CENPW: variants seen among roughly 807,000 people sequenced by gnomAD.
CENPW encodes cancer-up-regulated gene 2 protein.
A neutral mutation model predicts 11.1 loss-of-function variants in CENPW; 3 were observed. That is an observed-to-expected ratio of 0.27 (90% CI 0.12 to 0.70). The LOEUF is 0.70. Ranked by LOEUF, CENPW falls within the 30% of genes least tolerant of loss-of-function variation. The pLI is 0.77. For synonymous variants in CENPW, 38 were observed against 42.0 expected (o/e 0.91, Z 0.37); for missense variants, 100 against 105.6 (o/e 0.95, Z 0.23).
At chr6:126,470,683 G>T in the CENPW span, among the ~76,000 whole-genome samples, 1 of 152,232 alleles carries the variant, frequency 6.6e-6, no homozygotes, top group African/African-American at 2.4e-5. Context: ...AGCCACGGGG[G>T]CTGTGCCCTG....
chr6:126,400,900 T>C, the CENPW span, among the ~76,000 whole-genome samples: 2 of 152,136 alleles, frequency 1.3e-5, no homozygotes, highest in African/African-American at 2.4e-5. Flanking sequence ...CTAATAGTTT[T>C]TAATTCTCTA....
At chr6:126,404,094 G>A in the CENPW span, among the ~76,000 whole-genome samples, 1 of 152,070 alleles carries the variant, frequency 6.6e-6, no homozygotes, top group Admixed American at 6.6e-5. Flanking sequence ...TCTGTTGACA[G>A]CATGGTTTAC....
the CENPW span, among the ~76,000 whole-genome samples, chr6:126,463,354 T>C: frequency 6.6e-6 from 1 of 152,020 alleles, no homozygotes; most frequent in Non-Finnish European, 1.5e-5. Flanking sequence ...GTTTAGGAAA[T>C]AAGAATGAGA....
chr6:126,424,074 T>C, the CENPW span, among the ~76,000 whole-genome samples: 1 of 152,152 alleles, frequency 6.6e-6, no homozygotes, highest in Non-Finnish European at 1.5e-5. Context: ...TCTTTGGATC[T>C]TTTTGCTTTT....
chr6:126,354,193 C>T, the CENPW span, among the ~76,000 whole-genome samples: 9 of 151,932 alleles, frequency 5.9e-5, no homozygotes, highest in South Asian at 6.3e-4. Context: ...CATTTTTTCC[C>T]CACTATGCAG....
chr6:126,356,431 A>G, the CENPW span, among the ~76,000 whole-genome samples: 6 of 152,190 alleles, frequency 3.9e-5, no homozygotes, highest in East Asian at 3.8e-4. Context: ...TTGCTATGCT[A>G]GTAATATCAA....
At chr6:126,392,232 T>C in the CENPW span, among the ~76,000 whole-genome samples, 4 of 151,988 alleles carry the variant, frequency 2.6e-5, no homozygotes, top group East Asian at 1.9e-4. Context: ...TTTGTGGCTA[T>C]TGTAAAAAGG....
chr6:126,397,463 T>G, the CENPW span, among the ~76,000 whole-genome samples: 1 of 152,174 alleles, frequency 6.6e-6, no homozygotes, highest in Non-Finnish European at 1.5e-5. Flanking sequence ...GATTCAAGAC[T>G]GTCTTTCCTA....
At chr6:126,409,798 A>T in the CENPW span, among the ~76,000 whole-genome samples, 1 of 151,906 alleles carries the variant, frequency 6.6e-6, no homozygotes, top group Non-Finnish European at 1.5e-5. Flanking sequence ...ATCTATACAC[A>T]TCTTTACCAG....
At chr6:126,452,034 A>C in the CENPW span, among the ~76,000 whole-genome samples, 1 of 151,122 alleles carries the variant, frequency 6.6e-6, no homozygotes, top group Non-Finnish European at 1.5e-5. Context: ...TGGAACAGGT[A>C]CAAATAGAAA....
At chr6:126,371,857 A>G in the CENPW span, among the ~76,000 whole-genome samples, 1 of 152,040 alleles carries the variant, frequency 6.6e-6, no homozygotes, top group Non-Finnish European at 1.5e-5. Flanking sequence ...TTTTCTAGTT[A>G]TGTGCGTAAA....
At position 126,340,226 on chromosome 6, in the gene CENPW, T is replaced by C. The variant is rs762610865; in HGVS notation, c.-48T>C. On this transcript the variant is annotated 5_prime_UTR_variant, in exon 1 of 3. Coordinates refer to ENST00000368328, the MANE Select transcript of CENPW (RefSeq NM_001012507.4). ...CAGTGTCCCCGGAGCTTGTGTGCGA[T>C]ACAGAGAGCACCTCGGAAGCTGAGG... 1.3e-6 allele frequency: 2 copies of C among 1,592,716 alleles called. No individual in the cohort carries two copies. The highest frequency in any genetic ancestry group is 3.3e-5 in the Admixed American group (2 of 59,838).
chr6:126,432,054 G>C, the CENPW span, among the ~76,000 whole-genome samples: 1 of 111,208 alleles, frequency 9.0e-6, no homozygotes, highest in Non-Finnish European at 1.7e-5. Context: ...AACAGACTGA[G>C]ACTCCATCTC....
At chr6:126,341,167 AG>A (rs756992587) in intron 1 of CENPW, among the ~76,000 whole-genome samples, 7 of 152,212 alleles carry the variant, frequency 4.6e-5, no homozygotes, top group South Asian at 2.1e-4. Context: ...AAATAAATTC[AG>A]TTTGTGTGTT....
At chr6:126,383,653 AACC>A in the CENPW span, among the ~76,000 whole-genome samples, 4 of 152,310 alleles carry the variant, frequency 2.6e-5, no homozygotes, top group South Asian at 2.1e-4. Context: ...ACATACCGTA[AACC>A]AACAAAATTC....
chr6:126,441,987 C>A, the CENPW span, among the ~76,000 whole-genome samples: 3 of 151,576 alleles, frequency 2.0e-5, no homozygotes, highest in Non-Finnish European at 4.4e-5. Flanking sequence ...ACTGCTGGAT[C>A]AAACAGTAGT....
chr6:126,463,948 A>G, the CENPW span, among the ~76,000 whole-genome samples: 1 of 152,034 alleles, frequency 6.6e-6, no homozygotes, highest in South Asian at 2.1e-4. Flanking sequence ...GGCCTCTTCT[A>G]TGAGGCCAAA....
the CENPW span, among the ~76,000 whole-genome samples, chr6:126,466,028 T>C: frequency 6.6e-6 from 1 of 151,894 alleles, no homozygotes; most frequent in African/African-American, 2.4e-5. Flanking sequence ...TAGTGGAAGG[T>C]TTGAATAGGT....
chr6:126,366,191 TAAGTTC>T, the CENPW span, among the ~76,000 whole-genome samples: 3 of 152,200 alleles, frequency 2.0e-5, no homozygotes, highest in African/African-American at 7.2e-5. Context: ...ATTTGTATTA[TAAGTTC>T]AAGTTAGAGC....
Sources: gnomAD v4.1 joint callset for allele counts (sites outside exome capture counted in the v4.1 genomes callset) on GRCh38, gnomAD v4.1.1 for gene constraint, MANE v1.5 for transcripts, NCBI Gene and HGNC (gene_info 2026-07-23, HGNC 2026-07-21) for gene names.